SPG11: variants seen among roughly 807,000 people sequenced by gnomAD.
SPG11 encodes spatacsin.
In SPG11, 222 loss-of-function variants were observed where a neutral mutation model predicts 274.0. That is an observed-to-expected ratio of 0.81 (90% confidence interval 0.73 to 0.91). SPG11 has a LOEUF of 0.91. SPG11 is among the 40% of genes least tolerant of loss of function. SPG11 has a pLI of 0.00. For missense variants in SPG11, 3,114 were observed against 2,872.7 expected, an observed-to-expected ratio of 1.08 and a Z score of -1.92; for synonymous variants, 1,144 against 1,039.7, an observed-to-expected ratio of 1.10 and a Z score of -1.93.
chr15:44,570,708 C>A (rs769438758), intron 33 of SPG11, 50 bp from the exon 34 acceptor site: 3 of 1,596,138 alleles, frequency 1.9e-6, no homozygotes, highest in South Asian at 1.1e-5. Flanking sequence ...TGGCTGCCCA[C>A]TGTCAACCTC....
At chr15:44,583,764 T>C (rs199741887) in intron 30 of SPG11, 50 bp downstream of exon 30, 686 of 1,612,802 alleles carry the variant, frequency 4.3e-4, no homozygotes, top group Non-Finnish European at 5.7e-4. Context: ...TTGGAGACAG[T>C]GCTAACAGTG....
intron 7 of SPG11, among the ~76,000 whole-genome samples, chr15:44,647,068 C>A (rs1215436201): frequency 6.6e-6 from 1 of 152,086 alleles, no homozygotes; most frequent in Non-Finnish European, 1.5e-5. Flanking sequence ...GTCTAGCATC[C>A]AGAATATATA....
chr15:44,628,735 T>C lies in SPG11; in HGVS notation c.2001A>G (p.Glu667=), dbSNP rs1286787114. 3.1e-6 allele frequency: 5 copies of C among 1,613,704 alleles called. No individual in the cohort carries two copies. The African/African-American group carries it at 4.0e-5, about 13-fold the overall frequency. Residue 667 remains glutamate, a synonymous_variant, in exon 10 of 40, where the codon GAA becomes GAG. Coordinates refer to ENST00000261866, the MANE Select transcript of SPG11 (RefSeq NM_025137.4). ...FPWKLTDAID[E]YDVHENVPKV... ...TGGGGACATTTTCATGTACATCATA[T>C]TCATCTATAGCATCTGTTAGCTTCC... is the stretch of plus-strand genomic sequence containing the variant.
intron 17 of SPG11, among the ~76,000 whole-genome samples, chr15:44,611,689 TTATTTATAATAGAAA>T (rs2083462462): frequency 6.6e-6 from 1 of 152,042 alleles, no homozygotes; most frequent in Admixed American, 6.6e-5. Context: ...TTCAAGACTA[TTATTTATAATAGAAA>T]AAAATGGAAA....
At chr15:44,564,286 C>T (rs1377094038) in intron 39 of SPG11, among the ~76,000 whole-genome samples, 1 of 152,192 alleles carries the variant, frequency 6.6e-6, no homozygotes, top group African/African-American at 2.4e-5. Context: ...AGCCACTGGG[C>T]CTGGCCAGTG....
At chr15:44,574,167 C>T (rs186070451) in intron 31 of SPG11, among the ~76,000 whole-genome samples, 62 of 152,310 alleles carry the variant, frequency 4.1e-4, no homozygotes, top group African/African-American at 1.4e-3. Context: ...CCACACCCAG[C>T]TAATTTTAGT....
chr15:44,575,475 C>CA (rs939799639), intron 30 of SPG11, among the ~76,000 whole-genome samples: 2 of 151,884 alleles, frequency 1.3e-5, no homozygotes, highest in African/African-American at 4.8e-5. Flanking sequence ...CCCTCACCCC[C>CA]AGTCGGTCTC....
At chr15:44,573,481 A>G (rs1453176213) in intron 32 of SPG11, 66 bp downstream of exon 32, 20 of 1,563,524 alleles carry the variant, frequency 1.3e-5, no homozygotes, top group Non-Finnish European at 1.8e-5. Context: ...ACAACATCCA[A>G]ATCCTTAACA....
At chr15:44,646,243 T>C (rs369178405) in intron 7 of SPG11, among the ~76,000 whole-genome samples, 1 of 152,066 alleles carries the variant, frequency 6.6e-6, no homozygotes, top group Non-Finnish European at 1.5e-5. Context: ...ATGCCCATGA[T>C]TGGCATTTAG....
At chr15:44,593,859 T>G (rs1480179329) in intron 26 of SPG11, among the ~76,000 whole-genome samples, 1 of 151,606 alleles carries the variant, frequency 6.6e-6, no homozygotes, top group Non-Finnish European at 1.5e-5. Flanking sequence ...GTTCAAGTGA[T>G]TCTCGTGCCT....
intron 11 of SPG11, among the ~76,000 whole-genome samples, chr15:44,623,759 CTTTTT>C (rs2083819212): frequency 6.6e-6 from 1 of 151,896 alleles, no homozygotes; most frequent in Non-Finnish European, 1.5e-5. Flanking sequence ...CTTTTCTTTT[CTTTTT>C]CTTTTTTTTT....
intron 6 of SPG11, among the ~76,000 whole-genome samples, chr15:44,649,450 C>T (rs1311730109): frequency 6.6e-6 from 1 of 152,122 alleles, no homozygotes; most frequent in East Asian, 1.9e-4. Context: ...CCAGGCTGGT[C>T]TCACACTCCT....
At chr15:44,594,077 T>A (rs2082970636) in intron 26 of SPG11, among the ~76,000 whole-genome samples, 1 of 151,088 alleles carries the variant, frequency 6.6e-6, no homozygotes, top group Non-Finnish European at 1.5e-5. Flanking sequence ...GCCCATAATA[T>A]CTAATATTAT....
chr15:44,596,506 G>A lies in SPG11; in HGVS notation c.4162-151C>T, dbSNP rs146582808. The A allele has an allele frequency of 3.0e-4, 296 of 988,688 alleles. 2 individuals carry two copies. The East Asian group carries it at 7.6e-3, about 25-fold the overall frequency. 61.2% of individuals were successfully genotyped at this position (988,688 alleles called of 1,614,324 possible). A position where few individuals can be genotyped will look rare whatever the true frequency, so the allele number is the denominator to read the frequency against. ...ATGTAATTTTACAAAGCTGTATGGT[G>A]CCTTTTAATGAATTTTCATATTCAA... On this transcript the variant is annotated intron_variant, in intron 24 of 39. Coordinates refer to ENST00000261866, the MANE Select transcript of SPG11 (RefSeq NM_025137.4).
intron 30 of SPG11, among the ~76,000 whole-genome samples, chr15:44,575,701 A>T (rs1037296672): frequency 6.6e-6 from 1 of 151,842 alleles, no homozygotes; most frequent in African/African-American, 2.4e-5. Flanking sequence ...TGCCATGTTG[A>T]TCAGGCTGGT....
intron 30 of SPG11, among the ~76,000 whole-genome samples, chr15:44,576,464 C>T (rs984616199): frequency 2.6e-5 from 4 of 151,532 alleles, no homozygotes; most frequent in South Asian, 2.1e-4. Context: ...CTGGCTAACA[C>T]GGTGAAACCC....
At chr15:44,575,095 C>T (rs372333797) in intron 30 of SPG11, 54 bp from the exon 31 acceptor site, 1 of 1,607,884 alleles carries the variant, frequency 6.2e-7, no homozygotes. Flanking sequence ...CTGGCCTCTC[C>T]CTAGCTCTCT....
At chr15:44,632,227 A>C (rs1260032447) in intron 8 of SPG11, among the ~76,000 whole-genome samples, 1 of 152,188 alleles carries the variant, frequency 6.6e-6, no homozygotes. Context: ...CAATGTCAGA[A>C]GACCACCTTA....
chr15:44,608,503 G>C lies in SPG11; in HGVS notation c.3394C>G (p.Pro1132Ala). ...AGGACACTAGGAGGAGTGCACTGTG[G>C]GAAGAGAGCAGTTTTTAGCTTGGGG... ...PYPKLKTALF[P>A]QCTPPSVLPS... Residue 1132 changes from proline (P) to alanine (A), a missense_variant, in exon 19 of 40, where the codon CCA (proline) becomes GCA (alanine). Transcript: ENST00000261866. The C allele has an allele frequency of 6.2e-7, 1 of 1,614,076 alleles. No individual in the cohort carries two copies. Among genetic ancestry groups the C allele is most frequent in the Non-Finnish European group, 8.5e-7 (1 of 1,180,010 alleles).
Sources: allele counts gnomAD v4.1 joint callset (sites outside exome capture counted in the v4.1 genomes callset), GRCh38; gene constraint gnomAD v4.1.1; transcripts MANE v1.5; gene names NCBI Gene and HGNC (gene_info 2026-07-23, HGNC 2026-07-21).